EYA1: variants seen among roughly 807,000 people sequenced by gnomAD.
EYA1 encodes EYA transcriptional coactivator and phosphatase 1.
Under a neutral mutation model 82.0 loss-of-function variants are expected in EYA1, and 16 were observed. The observed-to-expected ratio is 0.20, with a 90% CI of 0.13 to 0.30. The LOEUF (loss-of-function observed/expected upper bound fraction) is 0.30, where lower values mean the gene tolerates loss of function less well. Among genes scored for constraint, EYA1 ranks in the 10% least tolerant of loss-of-function variants. EYA1 has a pLI of 1.00. For missense variants in EYA1, 633 were observed against 730.7 expected (o/e 0.87, Z 1.54); for synonymous variants, 261 against 264.4 (o/e 0.99, Z 0.12).
chr8:71,517,019 C>T (rs1195339215), intron 2 of EYA1, among the ~76,000 whole-genome samples: 1 of 152,092 alleles, frequency 6.6e-6, no homozygotes. Context: ...GTCCTGTTCC[C>T]TCTGGTTCAT....
At chr8:71,429,262 T>C (rs1805460852) in intron 2 of EYA1, among the ~76,000 whole-genome samples, 1 of 152,214 alleles carries the variant, frequency 6.6e-6, no homozygotes, top group Admixed American at 6.5e-5. Flanking sequence ...AGTGCAGACC[T>C]ATCAGATTTT....
chr8:71,498,145 G>GT (rs1157730163), intron 2 of EYA1, among the ~76,000 whole-genome samples: 5 of 152,180 alleles, frequency 3.3e-5, no homozygotes, highest in African/African-American at 9.6e-5. Context: ...GATCAACACA[G>GT]TGACTATAGC....
intron 2 of EYA1, among the ~76,000 whole-genome samples, chr8:71,486,216 A>G (rs934608160): frequency 1.3e-5 from 2 of 152,144 alleles, no homozygotes; most frequent in Non-Finnish European, 2.9e-5. Flanking sequence ...GCAAAGCACT[A>G]TGCAACCACT....
chr8:71,387,613 G>A (rs187412750), intron 2 of EYA1, among the ~76,000 whole-genome samples: 3 of 152,148 alleles, frequency 2.0e-5, no homozygotes, highest in East Asian at 3.9e-4. Flanking sequence ...CAATGCTGAC[G>A]GCACCCACAT....
chr8:71,392,821 A>AT (rs1158101787), intron 2 of EYA1, among the ~76,000 whole-genome samples: 1 of 152,134 alleles, frequency 6.6e-6, no homozygotes, highest in Non-Finnish European at 1.5e-5. Context: ...ATAAGATAAT[A>AT]TTTTTAGTGA....
In EYA1 at chr8:71,361,928, A is replaced by T. The variant is rs1054027115; in HGVS notation, c.-336T>A. On this transcript the variant is annotated 5_prime_UTR_variant, in exon 1 of 18. Transcript: ENST00000340726. ...ACCCGCCACAGTGGACGGCAACAGG[A>T]AGGCTTAAAGTCGGAAGTGGCACTG... is the stretch of plus-strand genomic sequence containing the variant. 1.2e-5 allele frequency: 12 copies of T among 985,208 alleles called. No individual in the cohort carries two copies. The highest frequency in any genetic ancestry group is 1.4e-5 in the Non-Finnish European group (12 of 829,908). 61.0% of individuals were successfully genotyped at this position (985,208 alleles called of 1,614,324 possible). A position where few individuals can be genotyped will look rare whatever the true frequency, so the allele number is the denominator to read the frequency against.
intron 2 of EYA1, among the ~76,000 whole-genome samples, chr8:71,421,133 T>A (rs1438186431): frequency 6.6e-6 from 1 of 152,178 alleles, no homozygotes; most frequent in Non-Finnish European, 1.5e-5. Context: ...AGGAAAAACC[T>A]TGTTTACAGG....
chr8:71,336,412 T>C (rs2129049225), intron 3 of EYA1, among the ~76,000 whole-genome samples: 1 of 152,348 alleles, frequency 6.6e-6, no homozygotes. Context: ...ATTGTTCCAC[T>C]GCGTGAGATG....
chr8:71,201,760 TAAAAG>T (rs1490376282), intron 17 of EYA1, among the ~76,000 whole-genome samples: 5 of 152,168 alleles, frequency 3.3e-5, no homozygotes, highest in African/African-American at 1.2e-4. Context: ...AGACACATTT[TAAAAG>T]AAAACTATTT....
chr8:71,224,324 C>T (rs1202004977), intron 12 of EYA1, among the ~76,000 whole-genome samples: 1 of 152,210 alleles, frequency 6.6e-6, no homozygotes, highest in Admixed American at 6.5e-5. Flanking sequence ...TCAATACTTC[C>T]TTTTACAAAA....
chr8:71,298,521 C>A (rs1438573106), intron 9 of EYA1, among the ~76,000 whole-genome samples: 3 of 152,106 alleles, frequency 2.0e-5, no homozygotes, highest in Admixed American at 6.5e-5. Flanking sequence ...AAGAGACCAG[C>A]AAGGGAGTTG....
chr8:71,546,003 CT>C (rs1262161148), intron 1 of EYA1, among the ~76,000 whole-genome samples: 8 of 152,168 alleles, frequency 5.3e-5, no homozygotes, highest in Non-Finnish European at 8.8e-5. Flanking sequence ...ACATCCATCC[CT>C]GTTCAAACCT....
chr8:71,370,461 T>C (rs1200226377), intron 2 of EYA1, among the ~76,000 whole-genome samples: 1 of 150,898 alleles, frequency 6.6e-6, no homozygotes, highest in East Asian at 1.9e-4. Context: ...TATGTGTCCA[T>C]AGAAGTGTAA....
chr8:71,394,467 T>C (rs1182352134), intron 2 of EYA1, among the ~76,000 whole-genome samples: 1 of 152,192 alleles, frequency 6.6e-6, no homozygotes, highest in Non-Finnish European at 1.5e-5. Context: ...TTAATTTTTG[T>C]ATAAGGTGTA....
intron 2 of EYA1, among the ~76,000 whole-genome samples, chr8:71,528,189 C>T (rs983252368): frequency 1.3e-5 from 2 of 152,180 alleles, no homozygotes; most frequent in Non-Finnish European, 2.9e-5. Context: ...GCCCCTCTTT[C>T]CTTTCTTTCC....
At chr8:71,394,367 A>G (rs536483340) in intron 2 of EYA1, among the ~76,000 whole-genome samples, 1 of 152,146 alleles carries the variant, frequency 6.6e-6, no homozygotes, top group Admixed American at 6.5e-5. Flanking sequence ...GCCCTTGCCC[A>G]TGCCTATGTC....
chr8:71,364,920 T>C, upstream of EYA1, among the ~76,000 whole-genome samples: 1 of 118,388 alleles, frequency 8.4e-6, no homozygotes, highest in Admixed American at 9.6e-5. Context: ...AAGGGCATGA[T>C]CAAAAAAAAA....
intron 2 of EYA1, among the ~76,000 whole-genome samples, chr8:71,385,640 C>G (rs995440527): frequency 3.3e-4 from 50 of 152,156 alleles, no homozygotes; most frequent in Non-Finnish European, 8.8e-5. Context: ...GAAATTGAGG[C>G]TCAGAGTGAG....
intron 2 of EYA1, among the ~76,000 whole-genome samples, chr8:71,488,943 T>C (rs527464256): frequency 3.3e-5 from 5 of 152,230 alleles, no homozygotes; most frequent in Non-Finnish European, 7.3e-5. Flanking sequence ...TCCTGTTTTA[T>C]GTTGAGGGCT....
Sources: allele counts gnomAD v4.1 joint callset (sites outside exome capture counted in the v4.1 genomes callset), GRCh38; gene constraint gnomAD v4.1.1; transcripts MANE v1.5; gene names NCBI Gene and HGNC (gene_info 2026-07-23, HGNC 2026-07-21).